PBK: variants seen among roughly 807,000 people sequenced by gnomAD.
The protein encoded by PBK is lymphokine-activated killer T-cell-originated protein kinase.
PBK carries 22 observed loss-of-function variants against 33.5 expected under a neutral mutation model. The ratio of observed to expected loss-of-function variants is 0.66; its 90% confidence interval spans 0.47 to 0.94. The LOEUF (loss-of-function observed/expected upper bound fraction) is 0.94, where lower values mean the gene tolerates loss of function less well. Ranked by LOEUF, PBK falls within the 40% of genes least tolerant of loss-of-function variation. PBK has a pLI of 0.00. For missense variants in PBK, 376 were observed against 383.4 expected, an observed-to-expected ratio of 0.98 and a Z score of 0.16; for synonymous variants, 129 against 123.8, an observed-to-expected ratio of 1.04 and a Z score of -0.28.
At chr8:27,831,412 A>C (rs1012672354) in intron 2 of PBK, among the ~76,000 whole-genome samples, 4 of 152,156 alleles carry the variant, frequency 2.6e-5, no homozygotes, top group African/African-American at 9.7e-5. Context: ...ACAAAGCTTC[A>C]AAATACATGA....
chr8:27,828,608 A>C (rs1413946797), intron 2 of PBK, among the ~76,000 whole-genome samples: 1 of 151,658 alleles, frequency 6.6e-6, no homozygotes, highest in Non-Finnish European at 1.5e-5. Flanking sequence ...ACACGAAAAA[A>C]TTTTTTTAAT....
At chr8:27,814,964 T>A (rs1292294760) in intron 6 of PBK, among the ~76,000 whole-genome samples, 1 of 152,208 alleles carries the variant, frequency 6.6e-6, no homozygotes, top group African/African-American at 2.4e-5. Context: ...TGTTAGAGTG[T>A]ATTATACTAA....
Position 27,810,467 on chromosome 8 carries a change from TTCA to T in PBK, c.804_806del (p.Asp268del). On this transcript the variant is annotated inframe_deletion, in exon 8 of 8. Transcript: ENST00000301905. The stretch of plus-strand genomic sequence containing the variant: ...TAGTTCCCAACGCTGCATAGTATGC[TTCA>T]TCATCAAAATCACTTTCATCAAAAG... 6.2e-7 allele frequency: 1 copy of T among 1,604,950 alleles called. No homozygotes were observed. The highest frequency in any genetic ancestry group is 8.5e-7 in the Non-Finnish European group (1 of 1,174,530).
chr8:27,830,562 C>T (rs566374853), intron 2 of PBK, among the ~76,000 whole-genome samples: 1 of 152,322 alleles, frequency 6.6e-6, no homozygotes, highest in South Asian at 2.1e-4. Flanking sequence ...CTGTCCAATA[C>T]ATCATGCTGC....
At chr8:27,828,037 T>A (rs1373839957) in intron 3 of PBK, 68 bp downstream of exon 3, 9 of 779,064 alleles carry the variant, frequency 1.2e-5, no homozygotes, top group East Asian at 2.5e-5. Context: ...TCAGACTACT[T>A]CTTTGTCTCC....
In PBK at chr8:27,832,269, T is replaced by C. The variant is rs140907889; in HGVS notation, c.58+787A>G. Among the ~76,000 whole-genome samples the C allele has an allele frequency of 1.8e-3, 277 of 152,212 alleles. 3 individuals are homozygous for C. Among genetic ancestry groups the C allele is most frequent in the African/African-American group, 6.2e-3 (258 of 41,542 alleles). On this transcript the variant is annotated intron_variant, in intron 2 of 7. Coordinates refer to ENST00000301905, the MANE Select transcript of PBK (RefSeq NM_018492.4). ...AAAGTTCAATACCCACTCACGATAA[T>C]AACTAGAAATAGAAGAAAAATTCCT...
At chr8:27,828,220 A>G (rs763903739) in intron 2 of PBK, 22 bp from the exon 3 acceptor site, 1 of 1,045,128 alleles carries the variant, frequency 9.6e-7, no homozygotes, top group Non-Finnish European at 1.4e-6. Flanking sequence ...AGAAATAAAA[A>G]ATAAAATTAA....
intron 3 of PBK, among the ~76,000 whole-genome samples, chr8:27,825,766 A>C (rs926331414): frequency 6.6e-6 from 1 of 152,222 alleles, no homozygotes; most frequent in African/African-American, 2.4e-5. Context: ...ATTAAAAACA[A>C]GATAAAAACT....
rs528668365 is a variant in PBK at position 27,831,681 on chromosome 8, T to C, written c.58+1375A>G. Among the ~76,000 whole-genome samples, 75 of 151,676 alleles carry C rather than the reference T, an allele frequency of 4.9e-4. 1 individual carries two copies. The highest frequency in any genetic ancestry group is 1.8e-3 in the African/African-American group (75 of 41,100). The stretch of plus-strand genomic sequence containing the variant: ...GGAAAAAAATTAAGAAAATATACAA[T>C]ACTAGTACCAGATATGAAAAAGGAC... On this transcript the variant is annotated intron_variant, in intron 2 of 7. Coordinates refer to ENST00000301905, the MANE Select transcript of PBK (RefSeq NM_018492.4).
chr8:27,826,593 G>A (rs1036634829), intron 3 of PBK, among the ~76,000 whole-genome samples: 2 of 108,966 alleles, frequency 1.8e-5, no homozygotes, highest in Non-Finnish European at 3.6e-5. Context: ...TCAGGAGATC[G>A]AGACCATCCT....
At chr8:27,816,343 C>CTTATATATATATA (rs1554559818) in intron 6 of PBK, among the ~76,000 whole-genome samples, 8 of 136,380 alleles carry the variant, frequency 5.9e-5, no homozygotes, top group African/African-American at 2.3e-4. Context: ...TCATCGAATA[C>CTTATATATATATA]TATATATATA....
At chr8:27,821,782 T>C (rs766742467) in intron 5 of PBK, among the ~76,000 whole-genome samples, 4 of 152,222 alleles carry the variant, frequency 2.6e-5, no homozygotes, top group Non-Finnish European at 2.9e-5. Context: ...GTTGAGACCA[T>C]GTGGGACAAT....
chr8:27,822,558 C>T (rs1421462365), intron 4 of PBK, 70 bp from the exon 5 acceptor site: 4 of 1,033,334 alleles, frequency 3.9e-6, no homozygotes, highest in East Asian at 2.6e-5. Flanking sequence ...TTTATAGTAA[C>T]GTGATTGAAA....
At chr8:27,813,035 T>C (rs1245683649) in intron 6 of PBK, among the ~76,000 whole-genome samples, 3 of 152,192 alleles carry the variant, frequency 2.0e-5, no homozygotes, top group South Asian at 2.1e-4. Context: ...ATGTTTATTG[T>C]GGCACTATTC....
At position 27,822,585 on chromosome 8, in the gene PBK, A is replaced by C. The variant is rs532374162; in HGVS notation, c.296-97T>G. 21 of 729,768 alleles carry C rather than the reference A, an allele frequency of 2.9e-5. 1 individual carries two copies. The East Asian group carries it at 5.7e-4, about 20-fold the overall frequency. The allele number at this position is 729,768 out of a possible 1,614,324, so 45.2% of individuals were successfully genotyped here. A position where few individuals can be genotyped will look rare whatever the true frequency, so the allele number is the denominator to read the frequency against. ...TGATTGAAAATATGGATCTGGACTA[A>C]CGCTGACAAATATACAATGAAACAG... On this transcript the variant is annotated intron_variant, in intron 4 of 7. Transcript: ENST00000301905.
chr8:27,825,204 C>T (rs571965434), intron 3 of PBK, among the ~76,000 whole-genome samples: 1 of 152,294 alleles, frequency 6.6e-6, no homozygotes, highest in East Asian at 1.9e-4. Context: ...CTTTGGGAGG[C>T]CAAGTCAGGA....
At chr8:27,822,726 T>G (rs974571566) in intron 4 of PBK, among the ~76,000 whole-genome samples, 2 of 152,160 alleles carry the variant, frequency 1.3e-5, no homozygotes, top group Non-Finnish European at 2.9e-5. Context: ...TATAATAGTT[T>G]CACCAGCCCT....
intron 1 of PBK, among the ~76,000 whole-genome samples, chr8:27,836,819 A>C (rs1354082407): frequency 6.6e-6 from 1 of 152,202 alleles, no homozygotes; most frequent in Non-Finnish European, 1.5e-5. Context: ...CTTACGACTG[A>C]GTCCCACCTT....
chr8:27,833,078 T>C lies in PBK; in HGVS notation c.36A>G (p.Lys12=), dbSNP rs969745313. The C allele has an allele frequency of 6.3e-7, 1 of 1,598,476 alleles. No homozygotes were observed. Among genetic ancestry groups the C allele is most frequent in the Middle Eastern group, 1.7e-4 (1 of 6,012 alleles). The change falls in exon 2 of 8, where the codon AAA becomes AAG. Residue 12 remains lysine, a synonymous_variant. Transcript: ENST00000301905. ...EGISNFKTPS[K]LSEKKKSVLC... is the part of the protein sequence containing the mutation. ...TACCAGATTTCTTTTTTTCTGATAA[T>C]TTGCTTGGTGTCTTGAAATTACTGA...
Sources: gnomAD v4.1 joint callset for allele counts (sites outside exome capture counted in the v4.1 genomes callset) on GRCh38, gnomAD v4.1.1 for gene constraint, MANE v1.5 for transcripts, NCBI Gene and HGNC (gene_info 2026-07-23, HGNC 2026-07-21) for gene names.